Variants in PTPRN2 observed in about 807,000 individuals in gnomAD.
The protein encoded by PTPRN2 is protein tyrosine phosphatase receptor type N2.
Under a neutral mutation model 118.8 loss-of-function variants are expected in PTPRN2, and 74 were observed. The ratio of observed to expected loss-of-function variants is 0.62; its 90% CI spans 0.52 to 0.76. The LOEUF (loss-of-function observed/expected upper bound fraction) is 0.76, where lower values mean the gene tolerates loss of function less well. Among genes scored for constraint, PTPRN2 ranks in the 30% least tolerant of loss-of-function variants. The pLI is 0.00. For synonymous variants in PTPRN2, 641 were observed against 608.0 expected (o/e 1.05, Z -0.80); for missense variants, 1,481 against 1,394.4 (o/e 1.06, Z -0.99).
At chr7:157,920,623 G>A (rs114494522) in intron 11 of PTPRN2, among the ~76,000 whole-genome samples, 3 of 152,178 alleles carry the variant, frequency 2.0e-5, no homozygotes, top group Non-Finnish European at 2.9e-5. Context: ...AGAGTCAGCC[G>A]CACAAACAGA....
At chr7:158,069,662 C>A (rs967112376) in intron 11 of PTPRN2, among the ~76,000 whole-genome samples, 1 of 152,354 alleles carries the variant, frequency 6.6e-6, no homozygotes, top group Non-Finnish European at 1.5e-5. Flanking sequence ...AACCCCATGA[C>A]ATCTTACTGT....
At chr7:157,604,696 A>G (rs1801895025) in intron 15 of PTPRN2, among the ~76,000 whole-genome samples, 1 of 152,378 alleles carries the variant, frequency 6.6e-6, no homozygotes, top group South Asian at 2.1e-4. Context: ...TAAAGAGGAA[A>G]TGGAGGAAAA....
intron 11 of PTPRN2, among the ~76,000 whole-genome samples, chr7:157,940,277 G>A (rs1799967285): frequency 1.3e-5 from 2 of 152,116 alleles, no homozygotes; most frequent in Admixed American, 6.5e-5. Flanking sequence ...CCTTCCTAGT[G>A]TTATTATTAA....
At chr7:158,518,446 G>A (rs1823732504) in intron 1 of PTPRN2, among the ~76,000 whole-genome samples, 1 of 152,186 alleles carries the variant, frequency 6.6e-6, no homozygotes, top group Admixed American at 6.5e-5. Flanking sequence ...TAGCTCAGGT[G>A]CCAAGTAAGC....
intron 3 of PTPRN2, among the ~76,000 whole-genome samples, chr7:158,259,399 C>T (rs892313119): frequency 3.9e-5 from 6 of 152,164 alleles, no homozygotes; most frequent in African/African-American, 9.7e-5. Flanking sequence ...CGTCACAACC[C>T]GCAGCTGCTG....
chr7:157,724,495 A>T (rs538231095), intron 12 of PTPRN2, among the ~76,000 whole-genome samples: 1 of 152,314 alleles, frequency 6.6e-6, no homozygotes, highest in South Asian at 2.1e-4. Flanking sequence ...TCCTCAGTGT[A>T]TGATGGGGTT....
chr7:157,930,217 A>G (rs892729), intron 11 of PTPRN2, among the ~76,000 whole-genome samples: 121,474 of 152,080 alleles, frequency 0.8, 48,777 homozygotes, highest in African/African-American at 0.87. Flanking sequence ...TAGAAGTCCC[A>G]CGCTTCTCCT....
chr7:157,601,775 G>A (rs908377598), intron 16 of PTPRN2, among the ~76,000 whole-genome samples: 12 of 152,242 alleles, frequency 7.9e-5, no homozygotes, highest in African/African-American at 2.9e-4. Context: ...CAGCTGCAAC[G>A]CTGAACTCTC....
chr7:158,234,756 G>A (rs893829198), intron 3 of PTPRN2, among the ~76,000 whole-genome samples: 6 of 152,142 alleles, frequency 3.9e-5, no homozygotes, highest in Admixed American at 6.5e-5. Flanking sequence ...TCCCACTCCC[G>A]TTAAAATGGC....
At position 157,603,949 on chromosome 7, in the gene PTPRN2, GT is replaced by G. The variant is rs1291514732; in HGVS notation, c.2418+52del. On this transcript the variant is annotated intron_variant, in intron 16 of 22. Transcript: ENST00000389418. The surrounding 1 kb of genome is among the most constrained non-coding windows in gnomAD (Gnocchi z 5.4). ...AGAACCTTCCCACGTGATTTGCCGC[GT>G]CCGTGCCACCCAAGGGAAAGCCTGG... 6.5e-7 allele frequency: 1 copy of G among 1,530,032 alleles called. No homozygotes were observed. Among genetic ancestry groups the G allele is most frequent in the Non-Finnish European group, 9.0e-7 (1 of 1,105,820 alleles). 94.8% of individuals were successfully genotyped at this position (1,530,032 alleles called of 1,614,324 possible). A position where few individuals can be genotyped will look rare whatever the true frequency, so the allele number is the denominator to read the frequency against.
chr7:158,525,984 GCT>G lies in PTPRN2; in HGVS notation c.113-36201_113-36200del, dbSNP rs1285092690. Among the ~76,000 whole-genome samples, 1 of 152,178 alleles carries G rather than the reference GCT, an allele frequency of 6.6e-6. No homozygotes were observed. The highest frequency in any genetic ancestry group is 2.4e-5 in the African/African-American group (1 of 41,442). On this transcript the variant is annotated intron_variant, in intron 1 of 22. Coordinates refer to ENST00000389418, the MANE Select transcript of PTPRN2 (RefSeq NM_002847.5). This position sits in a 1 kb window ranked among gnomAD's most constrained non-coding sequence, Gnocchi z 4.1. ...CCGACAATGCCCCCCCATTGACTCG[GCT>G]CTCTGCAGACCTGCAGACCTGCAGC...
intron 10 of PTPRN2, among the ~76,000 whole-genome samples, chr7:158,083,585 C>T (rs1813011197): frequency 6.6e-6 from 1 of 152,242 alleles, no homozygotes. Context: ...AAGCATGTGA[C>T]CCATACATGG....
intron 11 of PTPRN2, among the ~76,000 whole-genome samples, chr7:157,995,572 G>A (rs1351099996): frequency 2.0e-5 from 3 of 152,264 alleles, no homozygotes; most frequent in Admixed American, 2.0e-4. Context: ...ATTCCTGGAA[G>A]GCAGCAAACC....
chr7:158,523,251 A>G (rs941384647), intron 1 of PTPRN2, among the ~76,000 whole-genome samples: 1 of 152,194 alleles, frequency 6.6e-6, no homozygotes, highest in African/African-American at 2.4e-5. Context: ...GGTGAGCCTC[A>G]GCAGCCAGAG....
rs112515887 is a variant in PTPRN2, at chr7:157,547,813, C to A, written c.2976+1133G>T. Among the ~76,000 whole-genome samples the A allele has an allele frequency of 7.2e-5, 11 of 152,306 alleles. No individual in the cohort carries two copies. The South Asian group carries it at 2.3e-3, about 32-fold the overall frequency. ...ACGTGGGACACGCCTAGACAAGAGA[C>A]GTTCCACAAAGAGCAAGGCCGCTGG... On this transcript the variant is annotated intron_variant, in intron 22 of 22. Transcript: ENST00000389418.
intron 12 of PTPRN2, among the ~76,000 whole-genome samples, chr7:157,846,564 C>G (rs1333489345): frequency 1.3e-5 from 2 of 152,182 alleles, no homozygotes; most frequent in Admixed American, 1.3e-4. Context: ...AGTGCGCTGC[C>G]CCAACACCCT....
chr7:158,090,870 G>C (rs1471645542), intron 10 of PTPRN2, among the ~76,000 whole-genome samples: 1 of 152,126 alleles, frequency 6.6e-6, no homozygotes, highest in Non-Finnish European at 1.5e-5. Context: ...AATATTTGTT[G>C]TCTTAGCAAT....
intron 11 of PTPRN2, among the ~76,000 whole-genome samples, chr7:157,910,705 C>CGTGTGTGTGT (rs34091528): frequency 1.0e-3 from 153 of 151,282 alleles, no homozygotes; most frequent in Admixed American, 2.7e-3. Context: ...CGGCAGGGCA[C>CGTGTGTGTGT]GTGTGTGTGT....
chr7:157,960,779 G>A (rs1367090535), intron 11 of PTPRN2, among the ~76,000 whole-genome samples: 1 of 152,244 alleles, frequency 6.6e-6, no homozygotes, highest in African/African-American at 2.4e-5. Flanking sequence ...GGCTGAGGCG[G>A]GTGGATCACC....
Sources: allele counts gnomAD v4.1 joint callset (sites outside exome capture counted in the v4.1 genomes callset), GRCh38; gene constraint gnomAD v4.1.1; non-coding constraint Gnocchi (gnomAD v3.1); transcripts MANE v1.5; gene names NCBI Gene and HGNC (gene_info 2026-07-23, HGNC 2026-07-21).